GRK5: variants seen among roughly 807,000 people sequenced by gnomAD.
The protein encoded by GRK5 is g protein-coupled receptor kinase GRK5.
A neutral mutation model predicts 78.4 loss-of-function variants in GRK5; 40 were observed. That is an observed-to-expected ratio of 0.51 (90% CI 0.40 to 0.66). The LOEUF is 0.66. Ranked by LOEUF, GRK5 falls within the 30% of genes least tolerant of loss-of-function variation. The pLI is 0.00. For missense variants in GRK5, 598 were observed against 759.9 expected (o/e 0.79, Z 2.50); for synonymous variants, 289 against 296.8 (o/e 0.97, Z 0.27).
chr10:119,283,287 C>T (rs532817049), intron 1 of GRK5, among the ~76,000 whole-genome samples: 4 of 152,124 alleles, frequency 2.6e-5, no homozygotes, highest in East Asian at 1.9e-4. Context: ...TGTGATGGGA[C>T]GGGAGTGTCC....
intron 1 of GRK5, among the ~76,000 whole-genome samples, chr10:119,288,391 T>C (rs1849894539): frequency 6.6e-6 from 1 of 152,182 alleles, no homozygotes; most frequent in Non-Finnish European, 1.5e-5. Context: ...GTAGTTCTAG[T>C]GTCTGGTTCA....
chr10:119,441,400 G>A (rs913375031), intron 10 of GRK5, among the ~76,000 whole-genome samples: 8 of 152,218 alleles, frequency 5.3e-5, no homozygotes, highest in Non-Finnish European at 1.2e-4. Flanking sequence ...TGGGCTGTGG[G>A]AGGGACAAAG....
intron 1 of GRK5, among the ~76,000 whole-genome samples, chr10:119,266,061 C>G (rs536066718): frequency 6.6e-6 from 1 of 152,322 alleles, no homozygotes; most frequent in African/African-American, 2.4e-5. Flanking sequence ...GTGGCCTCCC[C>G]CAGAAGGCTG....
rs561085564 is a variant in GRK5 at position 119,358,807 on chromosome 10, G to T, written c.149-22008G>T. Among the ~76,000 whole-genome samples, 6 of 152,258 alleles carry T rather than the reference G, an allele frequency of 3.9e-5. No individual in the cohort carries two copies. In the East Asian group the frequency reaches 1.2e-3, roughly 29 times the overall value. ...CAGGTATTTCTTTCCTCACAGTTCT[G>T]GGGGCCACAGTTCAAGATCCAGGTG... On this transcript the variant is annotated intron_variant, in intron 2 of 15. Transcript: ENST00000392870.
At chr10:119,451,565 A>G (rs1245843773) in intron 13 of GRK5, among the ~76,000 whole-genome samples, 1 of 152,154 alleles carries the variant, frequency 6.6e-6, no homozygotes, top group Non-Finnish European at 1.5e-5. Context: ...TTCCAGCTAA[A>G]AGTCCGCTGA....
In GRK5 at chr10:119,329,857, C is replaced by CTTT. The variant is rs1177940254; in HGVS notation, c.148+3267_148+3269dup. On this transcript the variant is annotated intron_variant, in intron 2 of 15. Transcript: ENST00000392870. ...CACACGCCAGCAACGCAGACACCTA[C>CTTT]TTTTTTTTTTTTTTTTTTTTTTTGA... 1.8e-3 allele frequency among the ~76,000 whole-genome samples: 201 copies of CTTT among 110,350 alleles called. 1 individual carries two copies. Among genetic ancestry groups the CTTT allele is most frequent in the African/African-American group, 2.5e-3 (62 of 25,272 alleles). The allele number at this position is 110,350 out of a possible 152,430, so 72.4% of individuals were successfully genotyped here. A position where few individuals can be genotyped will look rare whatever the true frequency, so the allele number is the denominator to read the frequency against.
intron 2 of GRK5, among the ~76,000 whole-genome samples, chr10:119,360,378 T>C (rs1851340474): frequency 6.6e-6 from 1 of 152,160 alleles, no homozygotes; most frequent in African/African-American, 2.4e-5. Context: ...CTGGAGGCGC[T>C]TAGTGGGTGG....
intron 1 of GRK5, among the ~76,000 whole-genome samples, chr10:119,302,057 G>C (rs970163519): frequency 6.6e-6 from 1 of 152,210 alleles, no homozygotes; most frequent in African/African-American, 2.4e-5. Context: ...GCATTCGTTG[G>C]CTTCCTGGAC....
chr10:119,427,870 C>T (rs866907539), intron 6 of GRK5, among the ~76,000 whole-genome samples: 3 of 149,440 alleles, frequency 2.0e-5, no homozygotes, highest in Middle Eastern at 3.4e-3. Context: ...CAATATCCCA[C>T]TGCCATCAAC....
intron 1 of GRK5, among the ~76,000 whole-genome samples, chr10:119,291,932 T>TCCTCTTTTTCCTCCTTCTC (rs1564879459): frequency 1.1e-5 from 1 of 89,406 alleles, no homozygotes; most frequent in Non-Finnish European, 2.2e-5. Context: ...TCCTCCTTCT[T>TCCTCTTTTTCCTCCTTCTC]TTCCTCCTCT....
chr10:119,341,605 C>G (rs1404111868), intron 2 of GRK5, among the ~76,000 whole-genome samples: 1 of 152,118 alleles, frequency 6.6e-6, no homozygotes, highest in Admixed American at 6.6e-5. Context: ...ACTGGCCCCA[C>G]TGTGGTTGTC....
intron 2 of GRK5, among the ~76,000 whole-genome samples, chr10:119,365,833 C>A (rs868117755): frequency 6.6e-6 from 1 of 152,218 alleles, no homozygotes; most frequent in Non-Finnish European, 1.5e-5. Flanking sequence ...CAAGGCACTC[C>A]GCTTCCTGTG....
At chr10:119,393,956 T>C (rs12775478) in intron 3 of GRK5, among the ~76,000 whole-genome samples, 147,013 of 147,848 alleles carry the variant, frequency 0.99, 73,091 homozygotes, top group South Asian at 1. Context: ...TGTTTGTGTG[T>C]GGGTGTCTGT....
At chr10:119,361,484 G>GCAGACCAT (rs1320938283) in intron 2 of GRK5, among the ~76,000 whole-genome samples, 3 of 152,210 alleles carry the variant, frequency 2.0e-5, no homozygotes, top group Non-Finnish European at 4.4e-5. Context: ...CACAACCATG[G>GCAGACCAT]ATAAGACAGA....
chr10:119,454,976 A>G lies in GRK5; in HGVS notation c.1682A>G (p.Asn561Ser). Residue 561 changes from asparagine to serine, a missense_variant, in exon 16 of 16, where the codon AAC becomes AGC. By Grantham distance (46) the Asn-to-Ser change is conservative. Coordinates refer to ENST00000392870, the MANE Select transcript of GRK5 (RefSeq NM_005308.3). ...LQRLFKRQHQ[N>S]NSKSSPSSKT... ...CCCCAACCCCAACCCCAGCATCAGA[A>G]CAATTCCAAGAGTTCGCCCAGCTCC... 1 of 1,613,050 alleles carries G rather than the reference A, an allele frequency of 6.2e-7. No individual in the cohort carries two copies. Among genetic ancestry groups the G allele is most frequent in the Non-Finnish European group, 8.5e-7 (1 of 1,179,202 alleles).
At chr10:119,287,330 AAGGGAGAGAGG>A (rs139705662) in intron 1 of GRK5, among the ~76,000 whole-genome samples, 358 of 10,138 alleles carry the variant, frequency 0.035, 15 homozygotes, top group Middle Eastern at 0.045. Context: ...GGGAGGGAGG[AAGGGAGAGAGG>A]AGGAAGGGAA....
rs561621880 is a variant in GRK5, at chr10:119,336,753, T to C, written c.148+10142T>C. ...CTGTCCTTGGGGTGATAAGGGCGCG[T>C]CATGTCTGTCGTTCTGCCACCTAGC... On this transcript the variant is annotated intron_variant, in intron 2 of 15. Transcript: ENST00000392870. The surrounding 1 kb of genome is among the most constrained non-coding windows in gnomAD (Gnocchi z 4.5). Among the ~76,000 whole-genome samples, 1 of 152,282 alleles carries C rather than the reference T, an allele frequency of 6.6e-6. No individual in the cohort carries two copies. Among genetic ancestry groups the C allele is most frequent in the East Asian group, 1.9e-4 (1 of 5,166 alleles).
In GRK5 at chr10:119,453,231, G is replaced by A. The variant is rs764956146; in HGVS notation, c.1629G>A (p.Pro543=). 3.8e-5 allele frequency: 61 copies of A among 1,613,868 alleles called. No individual in the cohort carries two copies. Among genetic ancestry groups the A allele is most frequent in the South Asian group, 5.5e-5 (5 of 91,070 alleles). Residue 543 remains proline (P), a synonymous_variant, in exon 15 of 16, where the codon CCG becomes CCA. Coordinates refer to ENST00000392870, the MANE Select transcript of GRK5 (RefSeq NM_005308.3). The part of the protein sequence containing the change: ...LPPDLNRNHP[P]EPPKKGLLQR... ...CAGATCTGAACAGAAACCACCCTCCGGAACCGCCCAAGAAAGGGCTGCTCC... is the reference window on the plus strand; with the variant it reads ...CAGATCTGAACAGAAACCACCCTCCAGAACCGCCCAAGAAAGGGCTGCTCC...
intron 3 of GRK5, among the ~76,000 whole-genome samples, chr10:119,394,453 TAGTGGGCAC>T (rs1851982326): frequency 1.2e-5 from 1 of 82,720 alleles, no homozygotes; most frequent in Admixed American, 1.0e-4. Flanking sequence ...TGTATCTGCT[TAGTGGGCAC>T]GTGTGTGGAT....
Sources: gnomAD v4.1 joint callset for allele counts (sites outside exome capture counted in the v4.1 genomes callset) on GRCh38, gnomAD v4.1.1 for gene constraint, Gnocchi (gnomAD v3.1) non-coding constraint, MANE v1.5 for transcripts, NCBI Gene and HGNC (gene_info 2026-07-23, HGNC 2026-07-21) for gene names.